Variants in NDOR1 observed in about 807,000 individuals in gnomAD.
NDOR1 encodes the protein NADPH dependent diflavin oxidoreductase 1.
NDOR1 carries 61 observed loss-of-function variants against 67.2 expected under a neutral mutation model. That is an observed-to-expected ratio of 0.91 (90% CI 0.74 to 1.12). The LOEUF is 1.12. Ranked by LOEUF, NDOR1 falls within the 50% of genes most tolerant of loss-of-function variation. The pLI is 0.00. For missense variants in NDOR1, 878 were observed against 802.8 expected (o/e 1.09, Z -1.13); for synonymous variants, 378 against 343.7 (o/e 1.10, Z -1.10).
At chr9:137,216,059 C>T (rs769940832) in intron 12 of NDOR1, 35 bp from the exon 13 acceptor site, 21 of 1,613,228 alleles carry the variant, frequency 1.3e-5, no homozygotes, top group South Asian at 9.9e-5. Flanking sequence ...GAGGGAGCTC[C>T]GGCTCAGCCC....
chr9:137,211,102 T>G (rs962812465), intron 2 of NDOR1, among the ~76,000 whole-genome samples: 1 of 152,134 alleles, frequency 6.6e-6, no homozygotes, highest in Admixed American at 6.5e-5. Flanking sequence ...GGTCGCACCA[T>G]TGCACTCCAG....
intron 12 of NDOR1, 30 bp from the exon 13 acceptor site, chr9:137,216,064 C>G (rs1173534732): frequency 6.2e-7 from 1 of 1,613,396 alleles, no homozygotes; most frequent in Non-Finnish European, 8.5e-7. Context: ...AGCTCCGGCT[C>G]AGCCCCCAGC....
In NDOR1 at chr9:137,205,930, C is replaced by A; in HGVS notation, c.135+18C>A. ...ACCCGGTGGTGAGGGCTCGCTAGGG[C>A]CTCGGCGTGGGGGACGAGCAGGCCT... On this transcript the variant is annotated intron_variant, in intron 1 of 13. Coordinates refer to ENST00000684003, the MANE Select transcript of NDOR1 (RefSeq NM_014434.4). 6.4e-7 allele frequency: 1 copy of A among 1,570,796 alleles called. No homozygotes were observed. The highest frequency in any genetic ancestry group is 1.8e-5 in the Admixed American group (1 of 56,982).
In NDOR1 at chr9:137,216,092, A is replaced by G. The variant is rs1488681940; in HGVS notation, c.1555-2A>G. 3.7e-6 allele frequency: 6 copies of G among 1,613,510 alleles called. No homozygotes were observed. Among genetic ancestry groups the G allele is most frequent in the Non-Finnish European group, 5.1e-6 (6 of 1,179,992 alleles). On this transcript the variant is annotated splice_acceptor_variant, in intron 12 of 13. Coordinates refer to ENST00000684003, the MANE Select transcript of NDOR1 (RefSeq NM_014434.4). LOFTEE classifies it high-confidence loss of function. ...CCCCCAGCCCTGTTCTCTGCCCTACAGGAGCAGAAAGTATATGTGCAGCAC... is the reference window on the plus strand; with the variant it reads ...CCCCCAGCCCTGTTCTCTGCCCTACGGGAGCAGAAAGTATATGTGCAGCAC...
intron 9 of NDOR1, 31 bp downstream of exon 9, chr9:137,215,233 C>T (rs768863383): frequency 6.9e-6 from 11 of 1,596,998 alleles, no homozygotes; most frequent in Admixed American, 1.7e-5. Flanking sequence ...AGCCCAGGAC[C>T]GGCCCTGGGA....
rs931304376 is a variant in NDOR1, at chr9:137,218,380, C to T, written c.*1964C>T. Reference sequence around the variant, plus strand: ...CCCTGGAGCACCGCTACCAGCTGCGCTTCCTGGCAGGGCCCGTGGGCGGCC... The same window carrying T: ...CCCTGGAGCACCGCTACCAGCTGCGTTTCCTGGCAGGGCCCGTGGGCGGCC... On this transcript the variant is annotated 3_prime_UTR_variant, in exon 14 of 14. Coordinates refer to ENST00000684003, the MANE Select transcript of NDOR1 (RefSeq NM_014434.4). The T allele has an allele frequency of 5.0e-6, 2 of 398,534 alleles. No individual in the cohort carries two copies. The highest frequency in any genetic ancestry group is 4.4e-5 in the Admixed American group (1 of 22,710). The allele number at this position is 398,534 out of a possible 1,614,324, so 24.7% of individuals were successfully genotyped here.
In NDOR1 at chr9:137,217,119, G is replaced by C. The variant is rs1835650743; in HGVS notation, c.*703G>C. ...CCTCCCGGTGCCCTGGGTGCTGGGT[G>C]CTGGATGGGTGGGCGTCCTCTAGCT... On this transcript the variant is annotated 3_prime_UTR_variant, in exon 14 of 14. Transcript: ENST00000684003. 1.1e-5 allele frequency: 2 copies of C among 189,468 alleles called. No homozygotes were observed. The highest frequency in any genetic ancestry group is 2.2e-5 in the Non-Finnish European group (2 of 92,912). The allele number at this position is 189,468 out of a possible 1,614,324, so 11.7% of individuals were successfully genotyped here. A position where few individuals can be genotyped will look rare whatever the true frequency, so the allele number is the denominator to read the frequency against.
At position 137,218,147 on chromosome 9, in the gene NDOR1, T is replaced by C. The variant is rs577169189; in HGVS notation, c.*1731T>C. 70 of 397,698 alleles carry C rather than the reference T, an allele frequency of 1.8e-4. No homozygotes were observed. The highest frequency in any genetic ancestry group is 1.3e-3 in the African/African-American group (61 of 48,366). The allele number at this position is 397,698 out of a possible 1,614,324, so 24.6% of individuals were successfully genotyped here. ...CCTGCTGAACTGTAGCCACGGCCTG[T>C]GTGTGGGCTGCCTGCACAGGCTGCT... On this transcript the variant is annotated 3_prime_UTR_variant, in exon 14 of 14. Coordinates refer to ENST00000684003, the MANE Select transcript of NDOR1 (RefSeq NM_014434.4).
chr9:137,213,946 A>G (rs1835388662), intron 4 of NDOR1, 21 bp from the exon 5 acceptor site: 2 of 1,573,018 alleles, frequency 1.3e-6, no homozygotes, highest in African/African-American at 2.7e-5. Flanking sequence ...CGCTCAGGCC[A>G]GCGCACGTGC....
chr9:137,209,873 C>T (rs901458826), intron 2 of NDOR1, among the ~76,000 whole-genome samples: 1 of 152,230 alleles, frequency 6.6e-6, no homozygotes, highest in African/African-American at 2.4e-5. Flanking sequence ...GGGTGGATCA[C>T]CTGAGGTCAG....
In NDOR1 at chr9:137,215,392, C is replaced by CCCCCG; in HGVS notation, c.1174-15_1174-14insCCCCG. 1.2e-6 allele frequency: 2 copies of CCCCCG among 1,600,332 alleles called. No homozygotes were observed. The highest frequency in any genetic ancestry group is 1.7e-6 in the Non-Finnish European group (2 of 1,168,380). On this transcript the variant is annotated splice_polypyrimidine_tract_variant and intron_variant, in intron 9 of 13. Transcript: ENST00000684003. ...CAGCCTTGTTCCACCACCCCCACCC[C>CCCCCG]GCCGTCCTCCCCAGACTCACCCCTC...
At chr9:137,214,100 C>T in intron 5 of NDOR1, 32 bp downstream of exon 5, 3 of 1,531,242 alleles carry the variant, frequency 2.0e-6, no homozygotes, top group Non-Finnish European at 2.6e-6. Flanking sequence ...CCCACAGGCG[C>T]AGCAGACCCA....
At chr9:137,214,138 C>T (rs1835404141) in intron 5 of NDOR1, 66 bp from the exon 6 acceptor site, 2 of 1,538,556 alleles carry the variant, frequency 1.3e-6, no homozygotes, top group Admixed American at 1.9e-5. Flanking sequence ...CGCCCTGGGT[C>T]CCTCCCGTGT....
At position 137,218,288 on chromosome 9, in the gene NDOR1, G is replaced by A. The variant is rs1835727527; in HGVS notation, c.*1872G>A. The A allele has an allele frequency of 7.5e-6, 3 of 398,152 alleles. No homozygotes were observed. The highest frequency in any genetic ancestry group is 2.1e-5 in the African/African-American group (1 of 48,610). The allele number at this position is 398,152 out of a possible 1,614,324, so 24.7% of individuals were successfully genotyped here. On this transcript the variant is annotated 3_prime_UTR_variant, in exon 14 of 14. Transcript: ENST00000684003. ...ACAGGAGGAGCTGCTACAGGCCGAC[G>A]GGCCCTCACGCCAGCCCCGCCGAGA...
chr9:137,208,153 A>G (rs1338236454), intron 2 of NDOR1, among the ~76,000 whole-genome samples: 1 of 148,940 alleles, frequency 6.7e-6, no homozygotes, highest in Non-Finnish European at 1.5e-5. Context: ...CAAAAAAAAA[A>G]AAAAAAAGAA....
chr9:137,213,634 G>A, intron 3 of NDOR1, 146 bp from the exon 4 acceptor site: 1 of 796,886 alleles, frequency 1.3e-6, no homozygotes, highest in Non-Finnish European at 2.0e-6. Flanking sequence ...CTAGGGTGCG[G>A]CCAGCGTGGA....
intron 3 of NDOR1, among the ~76,000 whole-genome samples, chr9:137,213,325 C>G (rs557584585): frequency 1.2e-4 from 18 of 152,340 alleles, no homozygotes; most frequent in African/African-American, 3.6e-4. Flanking sequence ...AGGAGCGTGA[C>G]CCAGAGCCAG....
chr9:137,218,344 G>A lies in NDOR1; in HGVS notation c.*1928G>A. The A allele has an allele frequency of 2.5e-6, 1 of 398,036 alleles. No individual in the cohort carries two copies. The highest frequency in any genetic ancestry group is 4.4e-6 in the Non-Finnish European group (1 of 225,754). 24.7% of individuals were successfully genotyped at this position (398,036 alleles called of 1,614,324 possible). A position where few individuals can be genotyped will look rare whatever the true frequency, so the allele number is the denominator to read the frequency against. On this transcript the variant is annotated 3_prime_UTR_variant, in exon 14 of 14. Coordinates refer to ENST00000684003, the MANE Select transcript of NDOR1 (RefSeq NM_014434.4). ...CTGCATCCTATCACCGCAACCCTGG[G>A]CCCTGGGGCTCCCTGGAGCACCGCT...
At chr9:137,208,963 C>T (rs989930424) in intron 2 of NDOR1, among the ~76,000 whole-genome samples, 1 of 152,144 alleles carries the variant, frequency 6.6e-6, no homozygotes, top group Non-Finnish European at 1.5e-5. Context: ...TCACTGCAAG[C>T]ACTGCCTCCC....
Sources: allele counts gnomAD v4.1 joint callset (sites outside exome capture counted in the v4.1 genomes callset), GRCh38; gene constraint gnomAD v4.1.1; transcripts MANE v1.5; gene names NCBI Gene and HGNC (gene_info 2026-07-23, HGNC 2026-07-21).